ZNF469: variants seen among roughly 807,000 people sequenced by gnomAD.
ZNF469 encodes zinc finger protein 469.
Under a neutral mutation model 1.0 loss-of-function variants are expected in ZNF469, and 1 was observed. The observed-to-expected ratio is 1.00, with a 90% CI of 0.35 to 4.73. The LOEUF (loss-of-function observed/expected upper bound fraction) is 4.73, where lower values mean the gene tolerates loss of function less well. ZNF469 is among the 30% of genes most tolerant of loss of function. The pLI is 0.16. For missense variants in ZNF469, 6,100 were observed against 5,356.3 expected (o/e 1.14, Z -4.33); for synonymous variants, 2,703 against 2,363.4 (o/e 1.14, Z -4.17).
At chr16:88,233,104 C>T in the ZNF469 span, among the ~76,000 whole-genome samples, 2 of 152,284 alleles carry the variant, frequency 1.3e-5, no homozygotes, top group Admixed American at 1.3e-4. Flanking sequence ...ACGAGGCTTC[C>T]GAAAGACTCA....
At chr16:88,112,990 G>C in the ZNF469 span, among the ~76,000 whole-genome samples, 2 of 151,958 alleles carry the variant, frequency 1.3e-5, no homozygotes, top group South Asian at 4.1e-4. Flanking sequence ...GTGTTAGCCA[G>C]GATGGTCTCG....
chr16:88,398,579 G>C (rs542197839), intron 1 of ZNF469, among the ~76,000 whole-genome samples: 8 of 151,018 alleles, frequency 5.3e-5, no homozygotes, highest in Non-Finnish European at 1.2e-4. Context: ...CACAGACAAA[G>C]GGACATGTGC....
In ZNF469 at chr16:88,430,886, G is replaced by A. The variant is rs1416992916; in HGVS notation, c.3416G>A (p.Arg1139Gln). ...GPREDEPQKP[R>Q]KAARQEAGGD... ...AGAGAGGATGAGCCACAGAAACCCC[G>A]GAAGGCGGCGAGGCAGGAAGCCGGC... Residue 1139 changes from arginine (R) to glutamine (Q), a missense_variant, in exon 3 of 3, where the codon CGG becomes CAG. By Grantham distance (43) the Arg-to-Gln change is conservative. Coordinates refer to ENST00000565624, the MANE Select transcript of ZNF469 (RefSeq NM_001367624.2). The A allele has an allele frequency of 2.6e-6, 4 of 1,537,540 alleles. No homozygotes were observed. The East Asian group carries it at 7.3e-5, about 28-fold the overall frequency.
chr16:88,386,963 C>T (rs138005727), intron 1 of ZNF469, among the ~76,000 whole-genome samples: 9 of 152,272 alleles, frequency 5.9e-5, no homozygotes, highest in East Asian at 3.9e-4. Flanking sequence ...TGGCTGCAAT[C>T]GTATACTTCA....
the ZNF469 span, among the ~76,000 whole-genome samples, chr16:88,246,886 AGT>A: frequency 6.6e-6 from 1 of 151,812 alleles, no homozygotes; most frequent in Non-Finnish European, 1.5e-5. Context: ...TGAATGAATG[AGT>A]GAGTGAATGA....
At chr16:88,266,782 C>T in the ZNF469 span, among the ~76,000 whole-genome samples, 325 of 152,308 alleles carry the variant, frequency 2.1e-3, 1 homozygote, top group African/African-American at 7.5e-3. Context: ...TCCCAGGTGA[C>T]AAAAGGCAGT....
the ZNF469 span, among the ~76,000 whole-genome samples, chr16:88,247,540 A>ATGAGTGAGTGAGTGAG: frequency 9.3e-6 from 1 of 107,090 alleles, no homozygotes; most frequent in Non-Finnish European, 2.4e-5. Context: ...GAGTGAGTGA[A>ATGAGTGAGTGAGTGAG]TGAGTGAATG....
the ZNF469 span, among the ~76,000 whole-genome samples, chr16:88,296,575 G>C: frequency 6.7e-6 from 1 of 148,476 alleles, no homozygotes; most frequent in African/African-American, 2.5e-5. Flanking sequence ...CTCACACACA[G>C]GTGCGCATAT....
Position 88,432,790 on chromosome 16 carries a change from G to A in ZNF469, c.5320G>A (p.Gly1774Arg). Residue 1774 changes from glycine (G) to arginine (R), a missense_variant, in exon 3 of 3, where the codon GGA becomes AGA. Coordinates refer to ENST00000565624, the MANE Select transcript of ZNF469 (RefSeq NM_001367624.2). ...GCGGCTGCTTCCCTGTGAACAGAGA[G>A]GAGGGTTCCTCCCAGAGCCCGGCAC... Reference protein sequence around the residue: ...SLRLLPCEQRGGFLPEPGTAD... With the variant: ...SLRLLPCEQRRGFLPEPGTAD... 7 of 1,550,394 alleles carry A rather than the reference G, an allele frequency of 4.5e-6. No homozygotes were observed. Among genetic ancestry groups the A allele is most frequent in the Non-Finnish European group, 6.1e-6 (7 of 1,146,998 alleles).
the ZNF469 span, among the ~76,000 whole-genome samples, chr16:88,276,988 C>T: frequency 1.3e-5 from 2 of 151,956 alleles, no homozygotes; most frequent in African/African-American, 4.8e-5. Flanking sequence ...TCGGTCAGTA[C>T]CATGTAGATA....
the ZNF469 span, among the ~76,000 whole-genome samples, chr16:88,173,987 A>T: frequency 6.6e-6 from 1 of 152,226 alleles, no homozygotes; most frequent in Non-Finnish European, 1.5e-5. Flanking sequence ...GATAAATTTA[A>T]ATCAAACATA....
At chr16:88,403,036 C>A (rs1231714608) in intron 1 of ZNF469, among the ~76,000 whole-genome samples, 1 of 152,214 alleles carries the variant, frequency 6.6e-6, no homozygotes, top group Non-Finnish European at 1.5e-5. Flanking sequence ...GCGTGGGAGA[C>A]ATGGTGCATC....
rs1282066319 is a variant in ZNF469, at chr16:88,428,858, T to C, written c.1388T>C (p.Phe463Ser). ...CCCCTGGCTGCCACCAGGAGTATGTTCTTTAACGGCCAGCCCAGCCCAGGC... is the reference window on the plus strand; with the variant it reads ...CCCCTGGCTGCCACCAGGAGTATGTCCTTTAACGGCCAGCCCAGCCCAGGC... ...GGPLAATRSM[F>S]FNGQPSPGQR... The change falls in exon 3 of 3, where the codon TTC becomes TCC. Residue 463 changes from phenylalanine (F) to serine (S), a missense_variant. Phe to Ser is a radical substitution (Grantham distance 155). Coordinates refer to ENST00000565624, the MANE Select transcript of ZNF469 (RefSeq NM_001367624.2). 3.9e-6 allele frequency: 6 copies of C among 1,548,544 alleles called. No individual in the cohort carries two copies. In the South Asian group the frequency reaches 7.1e-5, roughly 18 times the overall value.
chr16:88,116,074 C>G, the ZNF469 span, among the ~76,000 whole-genome samples: 2 of 152,214 alleles, frequency 1.3e-5, no homozygotes, highest in African/African-American at 4.8e-5. Context: ...TTCACTAACA[C>G]ACATGCCCGA....
At chr16:88,380,521 ACG>A (rs1266129817), upstream of ZNF469, among the ~76,000 whole-genome samples, 103 of 114,880 alleles carry the variant, frequency 9.0e-4, no homozygotes, top group African/African-American at 3.5e-3. Flanking sequence ...ATGCACACAC[ACG>A]CACTAACACA....
At chr16:88,327,520 G>A in the ZNF469 span, among the ~76,000 whole-genome samples, 2 of 152,104 alleles carry the variant, frequency 1.3e-5, no homozygotes, top group African/African-American at 4.8e-5. Flanking sequence ...TAGGGGCCAG[G>A]CCTGTGCCAT....
the ZNF469 span, among the ~76,000 whole-genome samples, chr16:88,284,824 G>A: frequency 8.5e-5 from 13 of 152,228 alleles, no homozygotes; most frequent in African/African-American, 3.1e-4. Flanking sequence ...GCCTTGGCCT[G>A]AGCCGCAGGT....
chr16:88,262,373 G>C, the ZNF469 span, among the ~76,000 whole-genome samples: 1 of 152,232 alleles, frequency 6.6e-6, no homozygotes, highest in African/African-American at 2.4e-5. The surrounding 1 kb of genome is among the most constrained non-coding windows in gnomAD (Gnocchi z 4.3). Context: ...CTGCAGTTCA[G>C]TGACTGGAGA....
upstream of ZNF469, among the ~76,000 whole-genome samples, chr16:88,381,141 C>G (rs1457592016): frequency 4.8e-5 from 7 of 144,960 alleles, no homozygotes; most frequent in Non-Finnish European, 6.0e-5. Flanking sequence ...CATGCACTCA[C>G]ACACACACTC....
Sources: gnomAD v4.1 joint callset for allele counts (sites outside exome capture counted in the v4.1 genomes callset) on GRCh38, gnomAD v4.1.1 for gene constraint, Gnocchi (gnomAD v3.1) non-coding constraint, MANE v1.5 for transcripts, NCBI Gene and HGNC (gene_info 2026-07-23, HGNC 2026-07-21) for gene names.